The following AATK variants were observed in gnomAD, a reference collection of about 807,000 sequenced individuals.
The protein encoded by AATK is serine/threonine-protein kinase LMTK1.
A neutral mutation model predicts 114.3 loss-of-function variants in AATK; 91 were observed. The observed-to-expected ratio is 0.80, with a 90% CI of 0.67 to 0.95. AATK has a LOEUF of 0.95. Among genes scored for constraint, AATK ranks in the 40% least tolerant of loss-of-function variants. The probability of loss-of-function intolerance (pLI) is 0.00; values close to 1 mark genes in which losing one functional copy is unlikely to be tolerated. For missense variants in AATK, 2,176 were observed against 1,965.2 expected (o/e 1.11, Z -2.03); for synonymous variants, 1,075 against 916.5 (o/e 1.17, Z -3.12).
intron 1 of AATK, among the ~76,000 whole-genome samples, chr17:81,143,152 G>A (rs2061162806): frequency 6.6e-6 from 1 of 152,132 alleles, no homozygotes. Flanking sequence ...GGCTGAGCCT[G>A]AGAGTGGCCC....
At chr17:81,160,368 A>G in intron 1 of AATK, 1 of 535,146 alleles carries the variant, frequency 1.9e-6, no homozygotes, top group Non-Finnish European at 2.4e-6. Flanking sequence ...GTCCCTGCGG[A>G]GGGAGGCTGG....
chr17:81,158,026 G>T (rs2061387455), intron 1 of AATK, among the ~76,000 whole-genome samples: 1 of 152,248 alleles, frequency 6.6e-6, no homozygotes, highest in African/African-American at 2.4e-5. Context: ...CAGCAGCAGG[G>T]GGCTGCTGGG....
chr17:81,127,275 C>T (rs12449399), intron 6 of AATK, among the ~76,000 whole-genome samples: 3 of 151,830 alleles, frequency 2.0e-5, no homozygotes, highest in Admixed American at 1.3e-4. Flanking sequence ...TGCCCCCCCC[C>T]AGTTGGCCCA....
chr17:81,142,878 C>T (rs1194137727), intron 1 of AATK, among the ~76,000 whole-genome samples: 1 of 152,194 alleles, frequency 6.6e-6, no homozygotes, highest in Admixed American at 6.5e-5. Context: ...CGGCGTGACC[C>T]TCACGCCCAC....
chr17:81,137,799 C>T (rs1002680179), intron 1 of AATK, among the ~76,000 whole-genome samples: 2 of 151,966 alleles, frequency 1.3e-5, no homozygotes, highest in Non-Finnish European at 2.9e-5. Context: ...ATACACAGGC[C>T]AAGACATGAA....
At chr17:81,165,682 C>G in intron 1 of AATK, 2 of 1,513,206 alleles carry the variant, frequency 1.3e-6, no homozygotes, top group South Asian at 2.4e-5. Context: ...CCCCAGTTAC[C>G]TGTGCCCTGG....
chr17:81,147,304 T>C (rs1289611225), intron 1 of AATK, among the ~76,000 whole-genome samples: 3 of 143,522 alleles, frequency 2.1e-5, no homozygotes, highest in African/African-American at 7.9e-5. Context: ...GAGGTTGCAG[T>C]GAGCTGAGAT....
rs774648153 is a variant in AATK, at chr17:81,119,562, T to G, written c.3902A>C (p.Asp1301Ala). Residue 1301 changes from aspartate to alanine, a missense_variant, in exon 13 of 14, where the codon GAC becomes GCC. Asp to Ala is a moderately radical substitution (Grantham distance 126). Coordinates refer to ENST00000326724, the MANE Select transcript of AATK (RefSeq NM_001080395.3). The part of the protein sequence containing the change: ...TAEEGGGFAW[D>A]DDFPLMTAKA... ...GGCCGTCATCAGCGGGAAGTCGTCG[T>G]CCCACGCGAACCCACCACCTGCAGC... 1.1e-5 allele frequency: 17 copies of G among 1,576,134 alleles called. No homozygotes were observed. The highest frequency in any genetic ancestry group is 1.1e-5 in the Non-Finnish European group (13 of 1,163,802).
chr17:81,146,292 C>T (rs34443998), intron 1 of AATK, among the ~76,000 whole-genome samples: 60,351 of 149,728 alleles, frequency 0.4, 12,583 homozygotes, highest in South Asian at 0.53. Flanking sequence ...GCCCAGGAGG[C>T]GGAGGTTGCA....
chr17:81,121,741 T>G lies in AATK; in HGVS notation c.2195A>C (p.Gln732Pro). 2 of 1,502,642 alleles carry G rather than the reference T, an allele frequency of 1.3e-6. No homozygotes were observed. Among genetic ancestry groups the G allele is most frequent in the Non-Finnish European group, 1.8e-6 (2 of 1,129,292 alleles). 93.1% of individuals were successfully genotyped at this position (1,502,642 alleles called of 1,614,324 possible). A position where few individuals can be genotyped will look rare whatever the true frequency, so the allele number is the denominator to read the frequency against. The change falls in exon 11 of 14, where the codon CAG (glutamine) becomes CCG (proline). Residue 732 changes from glutamine (Q) to proline (P), a missense_variant. Physicochemically the swap from Gln to Pro is moderately conservative, Grantham distance 76. Transcript: ENST00000326724. ...GCCTGGCTCCTGGGCAGAGGCTGCC[T>G]GGAGCCCAAGCAGAGGCTCTCCAGG... ...GYPGEPLLGLQAASAQEPGCC... is the reference protein window; with the variant it reads ...GYPGEPLLGLPAASAQEPGCC...
Position 81,138,355 on chromosome 17 carries a change from G to A in AATK, c.56-3854C>T, listed in dbSNP as rs143571097. On this transcript the variant is annotated intron_variant, in intron 1 of 13. Transcript: ENST00000326724. ...CACATGCACACCCACACATACCCAC[G>A]CACACACACTCCCATGGACACACGG... Among the ~76,000 whole-genome samples the A allele has an allele frequency of 1.2e-4, 13 of 107,876 alleles. No individual in the cohort carries two copies. The East Asian group carries it at 2.4e-3, about 20-fold the overall frequency. The allele number at this position is 107,876 out of a possible 152,430, so 70.8% of individuals were successfully genotyped here.
Position 81,146,972 on chromosome 17 carries a change from G to A in AATK, c.56-12471C>T, listed in dbSNP as rs1354862017. 1.0e-4 allele frequency among the ~76,000 whole-genome samples: 7 copies of A among 68,500 alleles called. 1 individual carries two copies. Among genetic ancestry groups the A allele is most frequent in the Non-Finnish European group, 2.4e-4 (7 of 28,586 alleles). 44.9% of individuals were successfully genotyped at this position (68,500 alleles called of 152,430 possible). A position where few individuals can be genotyped will look rare whatever the true frequency, so the allele number is the denominator to read the frequency against. ...TAAGAAAATAACCTAGAGGGCACAC[G>A]CATCCAGAATAAAAATAAAGTAAGG... On this transcript the variant is annotated intron_variant, in intron 1 of 13. Transcript: ENST00000326724.
intron 1 of AATK, among the ~76,000 whole-genome samples, chr17:81,158,604 C>T (rs1016212990): frequency 6.6e-6 from 1 of 152,198 alleles, no homozygotes; most frequent in African/African-American, 2.4e-5. Context: ...CCGAGCCTGG[C>T]TCCCACAGGC....
chr17:81,120,686 G>T lies in AATK; in HGVS notation c.3250C>A (p.Gln1084Lys). 1 of 1,515,036 alleles carries T rather than the reference G, an allele frequency of 6.6e-7. No homozygotes were observed. 93.8% of individuals were successfully genotyped at this position (1,515,036 alleles called of 1,614,324 possible). The change falls in exon 11 of 14, where the codon CAA becomes AAA. Residue 1084 changes from glutamine to lysine, a missense_variant. By Grantham distance (53) the Gln-to-Lys change is moderately conservative. Around this residue, in one of 4 missense-constraint regions of AATK, gnomAD observed 1,701 missense variants for 1,394.7 expected, o/e 1.22. Coordinates refer to ENST00000326724, the MANE Select transcript of AATK (RefSeq NM_001080395.3). ...CCAGGCCGCACCTTGGCTGGGCCTT[G>T]GGGCTCCGGAGGCTCTGGGACCAGG... The part of the protein sequence containing the change: ...SGLVPEPPEP[Q>K]GPAKVRPGPS...
chr17:81,123,408 C>T lies in AATK; in HGVS notation c.963-65G>A. 3.1e-6 allele frequency: 4 copies of T among 1,291,938 alleles called. No homozygotes were observed. In the East Asian group the frequency reaches 1.3e-4, roughly 41 times the overall value. The allele number at this position is 1,291,938 out of a possible 1,614,324, so 80.0% of individuals were successfully genotyped here. A position where few individuals can be genotyped will look rare whatever the true frequency, so the allele number is the denominator to read the frequency against. On this transcript the variant is annotated intron_variant, in intron 9 of 13. Transcript: ENST00000326724. ...TGCCACAGCAAGGACCGCGCAGGATCCCCGGGGCGCCGAATGGGGCAGCTC... is the reference window on the plus strand; with the variant it reads ...TGCCACAGCAAGGACCGCGCAGGATTCCCGGGGCGCCGAATGGGGCAGCTC...
intron 1 of AATK, among the ~76,000 whole-genome samples, chr17:81,140,786 C>T (rs1239191467): frequency 2.1e-4 from 19 of 89,062 alleles, no homozygotes; most frequent in Non-Finnish European, 3.8e-4. Context: ...GCGGTGAGAC[C>T]GTGGGGCCGT....
In AATK at chr17:81,120,645, G is replaced by A. The variant is rs771513123; in HGVS notation, c.3291C>T (p.Cys1097=). 2.6e-6 allele frequency: 4 copies of A among 1,531,042 alleles called. No homozygotes were observed. The highest frequency in any genetic ancestry group is 2.6e-6 in the Non-Finnish European group (3 of 1,143,652). The allele number at this position is 1,531,042 out of a possible 1,614,324, so 94.8% of individuals were successfully genotyped here. A position where few individuals can be genotyped will look rare whatever the true frequency, so the allele number is the denominator to read the frequency against. The change falls in exon 11 of 14, where the codon TGC becomes TGT. Residue 1097 remains cysteine (C), a synonymous_variant. Coordinates refer to ENST00000326724, the MANE Select transcript of AATK (RefSeq NM_001080395.3). ...CCGGGGTCAGCAGGAAAAACTGGGA[G>A]CAGCTGGGGCTGGGCCCAGGCCGCA... is the stretch of plus-strand genomic sequence containing the variant. ...AKVRPGPSPS[C]SQFFLLTPVP... is the part of the protein sequence containing the mutation.
At chr17:81,156,939 C>G (rs1004605659) in intron 1 of AATK, among the ~76,000 whole-genome samples, 1 of 151,882 alleles carries the variant, frequency 6.6e-6, no homozygotes, top group African/African-American at 2.4e-5. Context: ...CGGGGTACGG[C>G]AAGACCCCAC....
chr17:81,125,462 G>C, intron 7 of AATK: 3 of 387,640 alleles, frequency 7.7e-6, no homozygotes, highest in Non-Finnish European at 1.6e-5. Flanking sequence ...CCGGAGTCCA[G>C]TTTTAGGGTC....
Sources: allele counts gnomAD v4.1 joint callset (sites outside exome capture counted in the v4.1 genomes callset), GRCh38; gene constraint gnomAD v4.1.1; regional missense constraint gnomAD v4.1.1; transcripts MANE v1.5; gene names NCBI Gene and HGNC (gene_info 2026-07-23, HGNC 2026-07-21).